The following NOS1 variants were observed in gnomAD, a reference collection of about 807,000 sequenced individuals.
The protein encoded by NOS1 is nitric oxide synthase 1.
A neutral mutation model predicts 164.5 loss-of-function variants in NOS1; 51 were observed. The observed-to-expected ratio is 0.31, with a 90% CI of 0.25 to 0.39. The LOEUF is 0.39. NOS1 is among the 10% of genes least tolerant of loss of function. The pLI, the probability that NOS1 is intolerant of heterozygous loss-of-function variation, is 1.00. For missense variants in NOS1, 1,362 were observed against 1,885.6 expected (o/e 0.72, Z 5.14); for synonymous variants, 719 against 745.8 (o/e 0.96, Z 0.59).
Position 117,330,779 on chromosome 12 carries a change from C to T in NOS1, c.291G>A (p.Leu97=). Residue 97 remains leucine, a synonymous_variant, in exon 2 of 29, where the codon CTG becomes CTA. Coordinates refer to ENST00000317775, the MANE Select transcript of NOS1 (RefSeq NM_000620.5). The surrounding 1 kb of genome is among the most constrained non-coding windows in gnomAD (Gnocchi z 4.6). ...GCGTGGTGAAACCTTCAGGGCCCCT[C>T]AGAATGAGGACCACGTGGGTCTCAG... is the stretch of plus-strand genomic sequence containing the variant. The part of the protein sequence containing the change: ...IASETHVVLI[L]RGPEGFTTHL... 1 of 1,614,084 alleles carries T rather than the reference C, an allele frequency of 6.2e-7. No individual in the cohort carries two copies. Among genetic ancestry groups the T allele is most frequent in the Non-Finnish European group, 8.5e-7 (1 of 1,180,002 alleles).
intron 18 of NOS1, chr12:117,245,912 T>C: frequency 6.6e-6 from 1 of 152,454 alleles, no homozygotes; most frequent in Non-Finnish European, 1.5e-5. Flanking sequence ...AGCAAGACTC[T>C]GTCTCAAAAA....
chr12:117,252,574 G>C (rs1871179715), intron 17 of NOS1, among the ~76,000 whole-genome samples: 1 of 152,198 alleles, frequency 6.6e-6, no homozygotes, highest in Non-Finnish European at 1.5e-5. Context: ...TGATAATGAT[G>C]TGTCATTGTA....
Position 117,210,960 on chromosome 12 carries a change from A to T in NOS1, c.*4349T>A, listed in dbSNP as rs533441325. 3 of 961,176 alleles carry T rather than the reference A, an allele frequency of 3.1e-6. No individual in the cohort carries two copies. Among genetic ancestry groups the T allele is most frequent in the East Asian group, 1.2e-4 (1 of 8,690 alleles). 59.5% of individuals were successfully genotyped at this position (961,176 alleles called of 1,614,324 possible). On this transcript the variant is annotated 3_prime_UTR_variant, in exon 29 of 29. Transcript: ENST00000317775. ...AAGATGTTTTATTTTATTTTATTTTATTTTATTTTTTTTGAGATAAGAGTC... is the reference window on the plus strand; with the variant it reads ...AAGATGTTTTATTTTATTTTATTTTTTTTTATTTTTTTTGAGATAAGAGTC...
At chr12:117,261,775 A>G (rs972062857) in intron 13 of NOS1, among the ~76,000 whole-genome samples, 4 of 152,216 alleles carry the variant, frequency 2.6e-5, no homozygotes, top group Non-Finnish European at 4.4e-5. Context: ...CAACAGAGTG[A>G]GACTTTGTCT....
At chr12:117,238,981 C>T (rs370443710) in intron 20 of NOS1, among the ~76,000 whole-genome samples, 62 of 152,294 alleles carry the variant, frequency 4.1e-4, no homozygotes, top group African/African-American at 1.3e-3. Context: ...CCAGTCACTC[C>T]GACCAGAGAT....
intron 28 of NOS1, among the ~76,000 whole-genome samples, chr12:117,216,005 G>A (rs1286863802): frequency 6.7e-6 from 1 of 149,772 alleles, no homozygotes; most frequent in African/African-American, 2.5e-5. Flanking sequence ...AGCCTCCTGA[G>A]TAGCTGGGAT....
At position 117,356,264 on chromosome 12, in the gene NOS1, G is replaced by A. The variant is rs1211560659; in HGVS notation, c.-421+5248C>T. 6.6e-6 allele frequency among the ~76,000 whole-genome samples: 1 copy of A among 152,192 alleles called. No individual in the cohort carries two copies. Among genetic ancestry groups the A allele is most frequent in the Non-Finnish European group, 1.5e-5 (1 of 68,032 alleles). Reference sequence around the variant, plus strand: ...ACAGAATCCACAAGTGCCCAAGCTGGCCTCTGACGTTTCCTAAGATGATTC... The same window carrying A: ...ACAGAATCCACAAGTGCCCAAGCTGACCTCTGACGTTTCCTAAGATGATTC... On this transcript the variant is annotated intron_variant, in intron 1 of 28. Coordinates refer to ENST00000317775, the MANE Select transcript of NOS1 (RefSeq NM_000620.5). The surrounding 1 kb of genome is among the most constrained non-coding windows in gnomAD (Gnocchi z 4.2).
Position 117,335,729 on chromosome 12 carries a change from TGAGAGAGAGAGAGAGAGA to T in NOS1, c.-420-4258_-420-4241del, listed in dbSNP as rs60613906. Among the ~76,000 whole-genome samples the T allele has an allele frequency of 8.7e-3, 977 of 112,602 alleles. 11 individuals carry two copies. The highest frequency in any genetic ancestry group is 0.031 in the African/African-American group (872 of 28,030). The allele number at this position is 112,602 out of a possible 152,430, so 73.9% of individuals were successfully genotyped here. Reference sequence around the variant, plus strand: ...TTTTATTTAATTGTTACAGACTATATGAGAGAGAGAGAGAGAGAGAGAGAGAGAGAGAGAGAGAGAGAC... The same window carrying T: ...TTTTATTTAATTGTTACAGACTATATGAGAGAGAGAGAGAGAGAGAGAGAC... On this transcript the variant is annotated intron_variant, in intron 1 of 28. Transcript: ENST00000317775.
At chr12:117,320,136 T>A (rs1874848960) in intron 2 of NOS1, among the ~76,000 whole-genome samples, 1 of 152,206 alleles carries the variant, frequency 6.6e-6, no homozygotes, top group African/African-American at 2.4e-5. Flanking sequence ...ATTGGTTAGA[T>A]GAGTGTGGTA....
At position 117,313,286 on chromosome 12, in the gene NOS1, T is replaced by A. The variant is rs118172579; in HGVS notation, c.726-1694A>T. Reference sequence around the variant, plus strand: ...GATGGTGGATTCAAACCCAGGCTTGTTCTGGATGCTAGCGCCTGACTTTTT... The same window carrying A: ...GATGGTGGATTCAAACCCAGGCTTGATCTGGATGCTAGCGCCTGACTTTTT... On this transcript the variant is annotated intron_variant, in intron 2 of 28. Coordinates refer to ENST00000317775, the MANE Select transcript of NOS1 (RefSeq NM_000620.5). Among the ~76,000 whole-genome samples, 152 of 152,256 alleles carry A rather than the reference T, an allele frequency of 1.0e-3. 3 individuals carry two copies. The East Asian group carries it at 0.028, about 28-fold the overall frequency.
Position 117,232,774 on chromosome 12 carries a change from A to C in NOS1, c.3236-643T>G, listed in dbSNP as rs182894621. Among the ~76,000 whole-genome samples, 32 of 152,252 alleles carry C rather than the reference A, an allele frequency of 2.1e-4. No individual in the cohort carries two copies. In the East Asian group the frequency reaches 5.6e-3, roughly 27 times the overall value. On this transcript the variant is annotated intron_variant, in intron 21 of 28. Transcript: ENST00000317775. ...CTTCATCCAATACGTCCCTAAATATAAGCCTCTTCTCCATCAGGGGTTCAA... is the reference window on the plus strand; with the variant it reads ...CTTCATCCAATACGTCCCTAAATATCAGCCTCTTCTCCATCAGGGGTTCAA...
At chr12:117,327,294 G>A (rs553096091) in intron 2 of NOS1, among the ~76,000 whole-genome samples, 5 of 152,332 alleles carry the variant, frequency 3.3e-5, no homozygotes, top group African/African-American at 1.2e-4. Context: ...GTAGAGGATT[G>A]GGAGGCAGAG....
chr12:117,228,839 G>A (rs1305774908), intron 22 of NOS1, among the ~76,000 whole-genome samples: 1 of 151,866 alleles, frequency 6.6e-6, no homozygotes, highest in African/African-American at 2.4e-5. Flanking sequence ...GGAGTGCAAC[G>A]GCACGATCTT....
chr12:117,228,882 C>A (rs553627652), intron 22 of NOS1, among the ~76,000 whole-genome samples: 1 of 152,054 alleles, frequency 6.6e-6, no homozygotes, highest in South Asian at 2.1e-4. Context: ...CCGGGGTTCA[C>A]GCCATTCTCC....
intron 1 of NOS1, among the ~76,000 whole-genome samples, chr12:117,349,113 T>C (rs1876497044): frequency 1.3e-5 from 2 of 152,244 alleles, no homozygotes; most frequent in South Asian, 2.1e-4. Flanking sequence ...AGTAAAGTGG[T>C]TGTTCCTTTT....
chr12:117,296,805 G>A (rs1481071738), intron 3 of NOS1, among the ~76,000 whole-genome samples: 1 of 152,204 alleles, frequency 6.6e-6, no homozygotes, highest in East Asian at 1.9e-4. Context: ...TCATAAGGGT[G>A]GGGCCCTAAT....
chr12:117,348,909 C>T lies in NOS1; in HGVS notation c.-421+12603G>A, dbSNP rs145535094. ...CAGTAGCGGAGAAAGTGGTGCAATT[C>T]GAATAGGGTCTGTCGTTTAGTTAAT... On this transcript the variant is annotated intron_variant, in intron 1 of 28. Coordinates refer to ENST00000317775, the MANE Select transcript of NOS1 (RefSeq NM_000620.5). 5.9e-5 allele frequency among the ~76,000 whole-genome samples: 9 copies of T among 152,274 alleles called. No homozygotes were observed. In the East Asian group the frequency reaches 1.5e-3, roughly 26 times the overall value.
intron 9 of NOS1, among the ~76,000 whole-genome samples, chr12:117,276,290 A>AT (rs886940198): frequency 7.3e-4 from 109 of 149,782 alleles, no homozygotes; most frequent in African/African-American, 8.8e-4. Flanking sequence ...CTTTCTAACT[A>AT]TTTTTTTTTT....
chr12:117,330,258 G>A lies in NOS1; in HGVS notation c.725+87C>T, dbSNP rs1593027481. On this transcript the variant is annotated intron_variant, in intron 2 of 28. Coordinates refer to ENST00000317775, the MANE Select transcript of NOS1 (RefSeq NM_000620.5). This position sits in a 1 kb window ranked among gnomAD's most constrained non-coding sequence, Gnocchi z 4.6. Reference sequence around the variant, plus strand: ...CAGCCCAGGTTGGCTTCTGGGCTATGAGGCTGAGTCTCAGTAGACGCACAT... The same window carrying A: ...CAGCCCAGGTTGGCTTCTGGGCTATAAGGCTGAGTCTCAGTAGACGCACAT... 8.1e-6 allele frequency: 12 copies of A among 1,485,318 alleles called. No individual in the cohort carries two copies. The highest frequency in any genetic ancestry group is 2.9e-5 in the South Asian group (2 of 68,848). The allele number at this position is 1,485,318 out of a possible 1,614,324, so 92.0% of individuals were successfully genotyped here.
Sources: gnomAD v4.1 joint callset for allele counts (sites outside exome capture counted in the v4.1 genomes callset) on GRCh38, gnomAD v4.1.1 for gene constraint, Gnocchi (gnomAD v3.1) non-coding constraint, MANE v1.5 for transcripts, NCBI Gene and HGNC (gene_info 2026-07-23, HGNC 2026-07-21) for gene names.